GRIP1: variants seen among roughly 807,000 people sequenced by gnomAD.
GRIP1 encodes the protein glutamate receptor-interacting protein 1.
A neutral mutation model predicts 129.9 loss-of-function variants in GRIP1; 45 were observed. The observed-to-expected ratio is 0.35, with a 90% CI of 0.27 to 0.44. The LOEUF (loss-of-function observed/expected upper bound fraction) is 0.44. Among genes scored for constraint, GRIP1 ranks in the 20% least tolerant of loss-of-function variants. The pLI, the probability that GRIP1 is intolerant of heterozygous loss-of-function variation, is 1.00. For synonymous variants in GRIP1, 530 were observed against 520.8 expected, an observed-to-expected ratio of 1.02 and a Z score of -0.24; for missense variants, 1,196 against 1,396.8, an observed-to-expected ratio of 0.86 and a Z score of 2.29.
At chr12:66,826,434 C>T (rs569007444) in intron 1 of GRIP1, among the ~76,000 whole-genome samples, 21 of 152,114 alleles carry the variant, frequency 1.4e-4, no homozygotes, top group Middle Eastern at 6.8e-3. Flanking sequence ...ACATGTATCC[C>T]AGAACTTAAA....
At chr12:66,988,682 C>T (rs2042350972) in intron 1 of GRIP1, among the ~76,000 whole-genome samples, 1 of 152,076 alleles carries the variant, frequency 6.6e-6, no homozygotes, top group African/African-American at 2.4e-5. Flanking sequence ...CAGCTAAGAA[C>T]CTGTATTTTT....
chr12:67,040,846 A>G (rs1290105703), intron 1 of GRIP1, among the ~76,000 whole-genome samples: 1 of 152,216 alleles, frequency 6.6e-6, no homozygotes, highest in Admixed American at 6.5e-5. Context: ...TCAGTCAAAC[A>G]GTTTTCCTGG....
chr12:66,942,417 A>G lies in GRIP1; in HGVS notation c.58+126633T>C, dbSNP rs529617670. ...CATTGCTACTTCTGTTCTTCTTCCC[A>G]CTTTCTTTGATCCACTTCCTCTCCC... On this transcript the variant is annotated intron_variant, in intron 1 of 1. Coordinates refer to the GRIP1 transcript ENST00000643019. 2.0e-5 allele frequency among the ~76,000 whole-genome samples: 3 copies of G among 151,924 alleles called. No homozygotes were observed. In the East Asian group the frequency reaches 5.8e-4, roughly 29 times the overall value.
intron 1 of GRIP1, among the ~76,000 whole-genome samples, chr12:66,778,911 A>T (rs1373475959): frequency 6.6e-6 from 1 of 152,216 alleles, no homozygotes; most frequent in African/African-American, 2.4e-5. Flanking sequence ...ACGAAGGAGA[A>T]GTCTGAACTG....
rs559539588 is a variant in GRIP1, at chr12:66,800,561, C to A, written c.-420+3492G>T. ...ATCTGTCTTATAGCTGGAATATTATCCGGTGTGGCTAAATAAAAATACACA... is the reference window on the plus strand; with the variant it reads ...ATCTGTCTTATAGCTGGAATATTATACGGTGTGGCTAAATAAAAATACACA... On this transcript the variant is annotated intron_variant, in intron 1 of 4. Coordinates refer to the GRIP1 transcript ENST00000538373. 1.1e-3 allele frequency among the ~76,000 whole-genome samples: 165 copies of A among 152,222 alleles called. 1 individual carries two copies. The highest frequency in any genetic ancestry group is 1.5e-3 in the Admixed American group (23 of 15,280).
At chr12:66,684,402 C>T in intron 1 of GRIP1, among the ~76,000 whole-genome samples, 1 of 152,244 alleles carries the variant, frequency 6.6e-6, no homozygotes, top group Non-Finnish European at 1.5e-5. Context: ...CTTTCTCTAC[C>T]CTTAAATGTC....
chr12:66,543,933 G>A (rs1486831579), intron 2 of GRIP1, among the ~76,000 whole-genome samples: 2 of 152,074 alleles, frequency 1.3e-5, no homozygotes, highest in East Asian at 3.9e-4. Flanking sequence ...CCAGGCATGT[G>A]AGAAGTAAGT....
At chr12:66,588,255 C>T (rs1306659643) in intron 2 of GRIP1, among the ~76,000 whole-genome samples, 1 of 152,134 alleles carries the variant, frequency 6.6e-6, no homozygotes, top group East Asian at 1.9e-4. Context: ...ATGGAACGAA[C>T]TGTAACACAA....
chr12:66,866,519 T>C (rs569916532), intron 1 of GRIP1, among the ~76,000 whole-genome samples: 10 of 152,146 alleles, frequency 6.6e-5, no homozygotes, highest in Non-Finnish European at 1.2e-4. Context: ...TCTACTCTTA[T>C]AGTCAGAAAG....
Position 66,589,224 on chromosome 12 carries a change from C to CTCTG in GRIP1, c.136+7619_136+7622dup, listed in dbSNP as rs1447724312. Among the ~76,000 whole-genome samples, 3 of 145,292 alleles carry CTCTG rather than the reference C, an allele frequency of 2.1e-5. No individual in the cohort carries two copies. The Admixed American group carries it at 2.1e-4, about 10-fold the overall frequency. ...TCTCTCTCTCTCTCTCTCTCTCTCT[C>CTCTG]TCTGTCTGTCTGTCTCTCTCTCTCT... On this transcript the variant is annotated intron_variant, in intron 2 of 24. Transcript: ENST00000359742.
At chr12:66,840,903 G>T (rs560577665) in intron 1 of GRIP1, among the ~76,000 whole-genome samples, 1 of 152,200 alleles carries the variant, frequency 6.6e-6, no homozygotes, top group African/African-American at 2.4e-5. Flanking sequence ...TTTCTAACTG[G>T]CTAACATATT....
chr12:67,037,048 C>T (rs917486894), intron 1 of GRIP1, among the ~76,000 whole-genome samples: 1 of 152,072 alleles, frequency 6.6e-6, no homozygotes, highest in Non-Finnish European at 1.5e-5. Context: ...ATATAATACT[C>T]AGGCCAGGCG....
At chr12:66,926,622 T>G (rs1182946332) in intron 1 of GRIP1, among the ~76,000 whole-genome samples, 1 of 152,236 alleles carries the variant, frequency 6.6e-6, no homozygotes, top group East Asian at 1.9e-4. Context: ...CAAGTTATGC[T>G]ATGTGACTTT....
intron 9 of GRIP1, among the ~76,000 whole-genome samples, chr12:66,461,898 G>A (rs1452306458): frequency 2.6e-5 from 4 of 152,146 alleles, no homozygotes; most frequent in African/African-American, 7.2e-5. Context: ...CAATACTAGT[G>A]AGGCCTCTAA....
intron 19 of GRIP1, among the ~76,000 whole-genome samples, chr12:66,387,392 C>A (rs1026705051): frequency 6.6e-6 from 1 of 152,210 alleles, no homozygotes; most frequent in Non-Finnish European, 1.5e-5. Flanking sequence ...AGAATTTACT[C>A]ACACATACCA....
chr12:67,046,482 T>G (rs1486042528), intron 1 of GRIP1, among the ~76,000 whole-genome samples: 3 of 152,210 alleles, frequency 2.0e-5, no homozygotes, highest in Non-Finnish European at 4.4e-5. Flanking sequence ...TTTTAATAAT[T>G]TTGAGTCCTG....
chr12:66,782,955 CTG>C (rs1443190116), intron 1 of GRIP1, among the ~76,000 whole-genome samples: 2 of 152,094 alleles, frequency 1.3e-5, no homozygotes, highest in Non-Finnish European at 2.9e-5. Flanking sequence ...ACTCTGGAGT[CTG>C]AGATTTTAAC....
intron 1 of GRIP1, among the ~76,000 whole-genome samples, chr12:66,769,242 T>C (rs950183810): frequency 6.6e-6 from 1 of 151,546 alleles, no homozygotes; most frequent in Non-Finnish European, 1.5e-5. Context: ...TTTTTTTTTT[T>C]ACTTTAGCCT....
intron 1 of GRIP1, among the ~76,000 whole-genome samples, chr12:66,964,374 G>A (rs2041966498): frequency 1.3e-5 from 2 of 152,192 alleles, no homozygotes; most frequent in Admixed American, 1.3e-4. Flanking sequence ...ATAGATGTGT[G>A]ATGTGTGGGT....
Sources: gnomAD v4.1 joint callset for allele counts (sites outside exome capture counted in the v4.1 genomes callset) on GRCh38, gnomAD v4.1.1 for gene constraint, MANE v1.5 for transcripts, NCBI Gene and HGNC (gene_info 2026-07-23, HGNC 2026-07-21) for gene names.